The following PTPRQ variants were observed in gnomAD, a reference collection of about 807,000 sequenced individuals.
PTPRQ encodes the protein protein tyrosine phosphatase receptor type Q.
A neutral mutation model predicts 246.0 loss-of-function variants in PTPRQ; 199 were observed. That is an observed-to-expected ratio of 0.81 (90% CI 0.72 to 0.91). The LOEUF is 0.91. PTPRQ is among the 40% of genes least tolerant of loss of function. The pLI, the probability that PTPRQ is intolerant of heterozygous loss-of-function variation, is 0.00. For missense variants in PTPRQ, 2,624 were observed against 2,528.4 expected (o/e 1.04, Z -0.81); for synonymous variants, 869 against 853.2 (o/e 1.02, Z -0.32).
Position 80,659,725 on chromosome 12 carries a change from C to T in PTPRQ, c.6192+1664C>T, listed in dbSNP as rs571620708. Among the ~76,000 whole-genome samples, 10 of 152,034 alleles carry T rather than the reference C, an allele frequency of 6.6e-5. No homozygotes were observed. The Middle Eastern group carries it at 0.01, about 155-fold the overall frequency. Reference sequence around the variant, plus strand: ...GTGGTATGAGCAATAAACTAGGAAGCCTGAAGATATATATTCTGCTGTAAT... The same window carrying T: ...GTGGTATGAGCAATAAACTAGGAAGTCTGAAGATATATATTCTGCTGTAAT... On this transcript the variant is annotated intron_variant, in intron 39 of 44. Transcript: ENST00000644991.
chr12:80,465,729 A>G (rs1423799750), intron 6 of PTPRQ, among the ~76,000 whole-genome samples: 4 of 152,154 alleles, frequency 2.6e-5, no homozygotes, highest in Non-Finnish European at 5.9e-5. Context: ...GTAATCCAGC[A>G]TATAAACAGA....
rs539903593 is a variant in PTPRQ at position 80,527,734 on chromosome 12, T to G, written c.2679-6281T>G. On this transcript the variant is annotated intron_variant, in intron 17 of 44. Transcript: ENST00000644991. The stretch of plus-strand genomic sequence containing the variant: ...CAAAAATTAAGAGATATCTTTAATC[T>G]CAGCACTTTGGGAGGCCAAGGTGGG... Among the ~76,000 whole-genome samples, 23 of 152,184 alleles carry G rather than the reference T, an allele frequency of 1.5e-4. 1 individual carries two copies. Among genetic ancestry groups the G allele is most frequent in the Admixed American group, 1.4e-3 (21 of 15,286 alleles).
chr12:80,542,751 A>G lies in PTPRQ; in HGVS notation c.3743A>G (p.Asn1248Ser). 1 of 1,545,802 alleles carries G rather than the reference A, an allele frequency of 6.5e-7. No individual in the cohort carries two copies. Among genetic ancestry groups the G allele is most frequent in the Non-Finnish European group, 8.7e-7 (1 of 1,145,072 alleles). Residue 1248 changes from asparagine to serine, a missense_variant, in exon 23 of 45, where the codon AAT becomes AGT. Asn to Ser is a conservative substitution (Grantham distance 46). Coordinates refer to ENST00000644991, the MANE Select transcript of PTPRQ (RefSeq NM_001145026.2). ...ACAGTGCCGTTAGCACCTCCACAAAATTTGACTTTAATCAACTGTACTTCA... is the reference window on the plus strand; with the variant it reads ...ACAGTGCCGTTAGCACCTCCACAAAGTTTGACTTTAATCAACTGTACTTCA... ...DESVPLAPPQNLTLINCTSDF... is the reference protein window; with the variant it reads ...DESVPLAPPQSLTLINCTSDF...
chr12:80,604,458 A>G (rs1024257670), intron 26 of PTPRQ, among the ~76,000 whole-genome samples: 1 of 151,632 alleles, frequency 6.6e-6, no homozygotes, highest in Non-Finnish European at 1.5e-5. Flanking sequence ...TTAAGAAAGT[A>G]GAACAAATTA....
At chr12:80,610,051 A>T (rs549373588) in intron 27 of PTPRQ, among the ~76,000 whole-genome samples, 94 of 150,560 alleles carry the variant, frequency 6.2e-4, no homozygotes, top group African/African-American at 2.1e-3. Flanking sequence ...GTGGTTTCTC[A>T]AATACTACAG....
chr12:80,529,637 T>C (rs2120788546), intron 17 of PTPRQ, among the ~76,000 whole-genome samples: 1 of 152,134 alleles, frequency 6.6e-6, no homozygotes, highest in Admixed American at 6.5e-5. Flanking sequence ...AGAATTTCTT[T>C]TATGCACTAG....
intron 17 of PTPRQ, among the ~76,000 whole-genome samples, chr12:80,525,558 G>A (rs1366662725): frequency 6.6e-6 from 1 of 151,896 alleles, no homozygotes; most frequent in Non-Finnish European, 1.5e-5. Flanking sequence ...CCCGTGGAAT[G>A]TTTTCTCCAG....
chr12:80,463,689 C>T (rs1416692912), intron 6 of PTPRQ, among the ~76,000 whole-genome samples: 1 of 151,570 alleles, frequency 6.6e-6, no homozygotes, highest in Non-Finnish European at 1.5e-5. Context: ...CCCTAGAAGC[C>T]AGAAGAGAGT....
intron 17 of PTPRQ, among the ~76,000 whole-genome samples, chr12:80,526,354 C>G (rs1895685950): frequency 6.6e-6 from 1 of 152,098 alleles, no homozygotes; most frequent in Non-Finnish European, 1.5e-5. Context: ...TCAGAAGAGT[C>G]AGTTGGACAT....
At chr12:80,622,763 T>C (rs918764320) in intron 33 of PTPRQ, among the ~76,000 whole-genome samples, 1 of 152,100 alleles carries the variant, frequency 6.6e-6, no homozygotes, top group Non-Finnish European at 1.5e-5. Flanking sequence ...TTAATTTCTA[T>C]AAATCTGAGT....
chr12:80,531,473 T>G (rs2120795734), intron 17 of PTPRQ, among the ~76,000 whole-genome samples: 1 of 152,278 alleles, frequency 6.6e-6, no homozygotes, highest in South Asian at 2.1e-4. Flanking sequence ...CTACACAGGG[T>G]TTGCTCAAAG....
chr12:80,562,393 C>T (rs1230589957), intron 25 of PTPRQ, among the ~76,000 whole-genome samples: 3 of 152,108 alleles, frequency 2.0e-5, no homozygotes, highest in Non-Finnish European at 4.4e-5. Context: ...TCCAGTGAAA[C>T]TATCTGAACT....
chr12:80,592,940 G>A (rs1897849996), intron 26 of PTPRQ, among the ~76,000 whole-genome samples: 1 of 152,136 alleles, frequency 6.6e-6, no homozygotes, highest in Non-Finnish European at 1.5e-5. Flanking sequence ...GGACCCGGGA[G>A]GTGGAGCTTG....
chr12:80,641,152 T>C (rs1008625030), intron 35 of PTPRQ, among the ~76,000 whole-genome samples: 6 of 152,230 alleles, frequency 3.9e-5, no homozygotes, highest in African/African-American at 1.4e-4. Context: ...GGTAGCCAAC[T>C]GTGCACGCTT....
intron 25 of PTPRQ, among the ~76,000 whole-genome samples, chr12:80,582,101 C>T (rs1897460206): frequency 6.6e-6 from 1 of 152,160 alleles, no homozygotes; most frequent in Admixed American, 6.5e-5. Context: ...TACATTACAG[C>T]TTGTTTACTG....
chr12:80,589,230 G>T (rs943142391), intron 26 of PTPRQ, among the ~76,000 whole-genome samples: 8 of 152,076 alleles, frequency 5.3e-5, no homozygotes, highest in Non-Finnish European at 8.8e-5. Context: ...ATAGAATTGT[G>T]ATGGTTACTA....
chr12:80,588,014 T>G, intron 25 of PTPRQ, 115 bp from the exon 26 acceptor site: 2 of 1,081,388 alleles, frequency 1.8e-6, no homozygotes, highest in South Asian at 4.0e-5. Context: ...ATCTAAGAGC[T>G]ATAGTAATTT....
chr12:80,584,045 G>A (rs1461155237), intron 25 of PTPRQ: 2 of 152,062 alleles, frequency 1.3e-5, no homozygotes, highest in Non-Finnish European at 1.5e-5. Context: ...TTCTGAAAAC[G>A]GCCAAAAATA....
intron 24 of PTPRQ, 72 bp downstream of exon 24, chr12:80,546,769 AT>A (rs1896321110): frequency 1.3e-6 from 2 of 1,499,856 alleles, no homozygotes; most frequent in Admixed American, 4.5e-5. Context: ...TTCTTAGTTT[AT>A]ATGATAAAGT....
Sources: allele counts gnomAD v4.1 joint callset (sites outside exome capture counted in the v4.1 genomes callset), GRCh38; gene constraint gnomAD v4.1.1; transcripts MANE v1.5; gene names NCBI Gene and HGNC (gene_info 2026-07-23, HGNC 2026-07-21).